Variants in REDIC1 observed in about 807,000 individuals in gnomAD.
REDIC1 encodes HEI10 Interacting Protein 1.
chr12:39,895,989 CATAT>C, the REDIC1 span, among the ~76,000 whole-genome samples: 3 of 143,266 alleles, frequency 2.1e-5, no homozygotes, highest in Admixed American at 6.9e-5. Context: ...TACATACATT[CATAT>C]ATGTGTATAT....
chr12:39,635,914 G>A, the REDIC1 span, among the ~76,000 whole-genome samples: 76 of 152,182 alleles, frequency 5.0e-4, no homozygotes, highest in African/African-American at 1.7e-3. Flanking sequence ...GAAATCTTAC[G>A]AAGTTTGTAC....
the REDIC1 span, among the ~76,000 whole-genome samples, chr12:39,731,752 G>T: frequency 6.6e-6 from 1 of 152,002 alleles, no homozygotes; most frequent in South Asian, 2.1e-4. Flanking sequence ...TGTGCCTATA[G>T]CCGCCCCTTC....
the REDIC1 span, among the ~76,000 whole-genome samples, chr12:39,806,352 C>G: frequency 6.6e-6 from 1 of 152,112 alleles, no homozygotes; most frequent in Non-Finnish European, 1.5e-5. Flanking sequence ...TCTAACTGAC[C>G]CTAGGTGCCT....
At chr12:39,668,839 A>C in the REDIC1 span, among the ~76,000 whole-genome samples, 2 of 151,812 alleles carry the variant, frequency 1.3e-5, no homozygotes, top group African/African-American at 4.8e-5. Context: ...TTTCCAGTTG[A>C]TCGAATCGGC....
the REDIC1 span, chr12:39,683,262 G>A: frequency 9.7e-5 from 121 of 1,248,412 alleles, no homozygotes; most frequent in Non-Finnish European, 1.3e-4. Context: ...GTGTTTGGAG[G>A]AAAATGAAAC....
chr12:39,727,402 T>C, the REDIC1 span, among the ~76,000 whole-genome samples: 1 of 152,172 alleles, frequency 6.6e-6, no homozygotes, highest in South Asian at 2.1e-4. Context: ...ATTTATTCAA[T>C]AGGGAGTCCT....
At chr12:39,759,764 C>T in the REDIC1 span, 1 of 394,634 alleles carries the variant, frequency 2.5e-6, no homozygotes, top group Non-Finnish European at 4.6e-6. Flanking sequence ...TCATTTTAGA[C>T]TATTTCAGGA....
the REDIC1 span, among the ~76,000 whole-genome samples, chr12:39,889,529 CT>C: frequency 0.021 from 2,571 of 119,822 alleles, 6 homozygotes; most frequent in Middle Eastern, 0.055. Flanking sequence ...GGTAAACAAC[CT>C]TTTTTTTTTT....
the REDIC1 span, among the ~76,000 whole-genome samples, chr12:39,885,545 C>T: frequency 6.6e-6 from 1 of 151,986 alleles, no homozygotes; most frequent in Non-Finnish European, 1.5e-5. Context: ...ACTATGAGTT[C>T]CAATTATTAC....
At chr12:39,667,475 CT>C in the REDIC1 span, among the ~76,000 whole-genome samples, 2 of 152,142 alleles carry the variant, frequency 1.3e-5, no homozygotes, top group Non-Finnish European at 2.9e-5. Flanking sequence ...CTGAGGAGTG[CT>C]TTACTTCCAA....
chr12:39,905,703 T>C, the REDIC1 span, among the ~76,000 whole-genome samples: 2 of 151,606 alleles, frequency 1.3e-5, no homozygotes, highest in African/African-American at 4.8e-5. Context: ...TGCTACAGAA[T>C]CACACAGCTA....
the REDIC1 span, among the ~76,000 whole-genome samples, chr12:39,750,405 C>T: frequency 7.2e-5 from 11 of 152,198 alleles, no homozygotes; most frequent in Non-Finnish European, 1.2e-4. Context: ...CTCAATGAAA[C>T]AAAAGAGGAC....
chr12:39,713,247 C>CACACACATACGTGTATATATGTGT, the REDIC1 span, among the ~76,000 whole-genome samples: 2 of 132,296 alleles, frequency 1.5e-5, no homozygotes, highest in East Asian at 4.5e-4. Flanking sequence ...TATATGTGTA[C>CACACACATACGTGTATATATGTGT]ACACACATAC....
chr12:39,676,304 T>C, the REDIC1 span, among the ~76,000 whole-genome samples: 2 of 151,438 alleles, frequency 1.3e-5, no homozygotes, highest in Admixed American at 6.6e-5. Flanking sequence ...AAATACAAAA[T>C]ACACTGGAAA....
At chr12:39,695,029 G>A in the REDIC1 span, among the ~76,000 whole-genome samples, 1 of 152,070 alleles carries the variant, frequency 6.6e-6, no homozygotes, top group Non-Finnish European at 1.5e-5. Context: ...TTGAAGGGAA[G>A]GACCCAATCC....
chr12:39,796,830 T>C, the REDIC1 span, among the ~76,000 whole-genome samples: 9 of 152,280 alleles, frequency 5.9e-5, no homozygotes, highest in East Asian at 1.7e-3. Flanking sequence ...TTTTTAATAA[T>C]GATAATGCTG....
the REDIC1 span, among the ~76,000 whole-genome samples, chr12:39,644,791 T>A: frequency 2.0e-5 from 3 of 151,932 alleles, no homozygotes; most frequent in Non-Finnish European, 4.4e-5. Context: ...CATTGCTAGG[T>A]TTATGGCTAA....
the REDIC1 span, among the ~76,000 whole-genome samples, chr12:39,642,552 A>G: frequency 6.6e-6 from 1 of 151,716 alleles, no homozygotes; most frequent in African/African-American, 2.4e-5. Context: ...GGTCTTATCC[A>G]TCACAAAGTA....
the REDIC1 span, among the ~76,000 whole-genome samples, chr12:39,883,329 C>T: frequency 6.6e-6 from 1 of 152,138 alleles, no homozygotes. Context: ...TCCTTTCTAC[C>T]TCACTGCCAG....
Sources: allele counts gnomAD v4.1 joint callset (sites outside exome capture counted in the v4.1 genomes callset), GRCh38; gene constraint gnomAD v4.1.1; transcripts MANE v1.5; gene names NCBI Gene and HGNC (gene_info 2026-07-23, HGNC 2026-07-21).